TMCC3: variants seen among roughly 807,000 people sequenced by gnomAD.
TMCC3 encodes the protein transmembrane and coiled-coil domain family 3, also known as transmembrane and coiled-coil domain protein 3.
Under a neutral mutation model 40.2 loss-of-function variants are expected in TMCC3, and 28 were observed. That is an observed-to-expected ratio of 0.70 (90% CI 0.52 to 0.95). The LOEUF (loss-of-function observed/expected upper bound fraction) is 0.95, where lower values mean the gene tolerates loss of function less well. Among genes scored for constraint, TMCC3 ranks in the 40% least tolerant of loss-of-function variants. The pLI, the probability that TMCC3 is intolerant of heterozygous loss-of-function variation, is 0.00. For synonymous variants in TMCC3, 255 were observed against 248.5 expected (o/e 1.03, Z -0.25); for missense variants, 554 against 615.2 (o/e 0.90, Z 1.05).
Position 94,650,546 on chromosome 12 carries a change from G to A in TMCC3, c.-116C>T. ...GCGAGGGGGCGGCGCGGCTGCTGCA[G>A]CTGTTGCCTCTGGTGCCAACACCCG... On this transcript the variant is annotated 5_prime_UTR_variant, in exon 1 of 4. Transcript: ENST00000261226. 1.2e-6 allele frequency: 1 copy of A among 853,332 alleles called. No individual in the cohort carries two copies. Among genetic ancestry groups the A allele is most frequent in the South Asian group, 5.6e-5 (1 of 17,712 alleles). 52.9% of individuals were successfully genotyped at this position (853,332 alleles called of 1,614,324 possible). A position where few individuals can be genotyped will look rare whatever the true frequency, so the allele number is the denominator to read the frequency against.
chr12:94,632,366 T>A (rs968869453), intron 1 of TMCC3, among the ~76,000 whole-genome samples: 8 of 152,240 alleles, frequency 5.3e-5, no homozygotes, highest in Non-Finnish European at 1.2e-4. Flanking sequence ...TGTAAAATTA[T>A]TGACTAGGTA....
intron 1 of TMCC3, among the ~76,000 whole-genome samples, chr12:94,588,925 G>A (rs1022083181): frequency 7.3e-5 from 11 of 151,630 alleles, no homozygotes; most frequent in Non-Finnish European, 1.6e-4. Context: ...CTGGGTTCAA[G>A]TGATTCTCCT....
At position 94,604,803 on chromosome 12, in the gene TMCC3, CAA is replaced by C. The variant is rs11400128; in HGVS notation, c.79-22267_79-22266del. ...TAAGTGACAGAGTGAGACTTCATCT[CAA>C]AAAAAAAAAAAAAAAAAAAGAAGTA... is the stretch of plus-strand genomic sequence containing the variant. On this transcript the variant is annotated intron_variant, in intron 1 of 3. Transcript: ENST00000261226. Among the ~76,000 whole-genome samples, 252 of 53,304 alleles carry C rather than the reference CAA, an allele frequency of 4.7e-3. 2 individuals carry two copies. Among genetic ancestry groups the C allele is most frequent in the African/African-American group, 0.019 (234 of 12,300 alleles). 35.0% of individuals were successfully genotyped at this position (53,304 alleles called of 152,430 possible).
intron 1 of TMCC3, among the ~76,000 whole-genome samples, chr12:94,644,134 G>T (rs2069005437): frequency 6.6e-6 from 1 of 152,084 alleles, no homozygotes; most frequent in South Asian, 2.1e-4. Flanking sequence ...TTCCTTTCAG[G>T]CAGCACCCCT....
intron 1 of TMCC3, among the ~76,000 whole-genome samples, chr12:94,617,287 C>T (rs186772754): frequency 1.1e-4 from 17 of 152,294 alleles, no homozygotes; most frequent in Admixed American, 3.3e-4. Context: ...TTGGTGACAG[C>T]GCCTTAGGCA....
Position 94,593,437 on chromosome 12 carries a change from AAGG to A in TMCC3, c.79-10902_79-10900del, listed in dbSNP as rs2068695073. On this transcript the variant is annotated intron_variant, in intron 1 of 3. Coordinates refer to ENST00000261226, the MANE Select transcript of TMCC3 (RefSeq NM_020698.4). ...AAGAAGAAGAAGGAAGAAGAAGGAG[AAGG>A]AGAAGGAGAAGGAGAAGAAGAAGAA... Among the ~76,000 whole-genome samples the A allele has an allele frequency of 2.8e-5, 2 of 72,680 alleles. 1 individual carries two copies. The highest frequency in any genetic ancestry group is 6.0e-5 in the Non-Finnish European group (2 of 33,392). 47.7% of individuals were successfully genotyped at this position (72,680 alleles called of 152,430 possible).
At position 94,569,927 on chromosome 12, in the gene TMCC3, T is replaced by C. The variant is rs921230327; in HGVS notation, c.*1508A>G. ...GGCTCAACAGCAGTTTCCATGAACA[T>C]TGTTTCCATCTTCCTCTTTGTTATA... On this transcript the variant is annotated 3_prime_UTR_variant, in exon 4 of 4. Transcript: ENST00000261226. The C allele has an allele frequency of 2.0e-5, 3 of 152,326 alleles. No homozygotes were observed. The highest frequency in any genetic ancestry group is 1.9e-4 in the East Asian group (1 of 5,194). The allele number at this position is 152,326 out of a possible 1,614,324, so 9.4% of individuals were successfully genotyped here.
At chr12:94,608,627 G>A (rs903946259) in intron 1 of TMCC3, among the ~76,000 whole-genome samples, 11 of 152,026 alleles carry the variant, frequency 7.2e-5, no homozygotes, top group South Asian at 4.2e-4. Context: ...TCCTGAAGCC[G>A]GAAGCCAAAG....
At chr12:94,646,396 A>T (rs527836776) in intron 1 of TMCC3, among the ~76,000 whole-genome samples, 33 of 148,798 alleles carry the variant, frequency 2.2e-4, no homozygotes, top group East Asian at 7.9e-4. Context: ...ATTTAAAAAA[A>T]TTTTTTTAAA....
Position 94,622,020 on chromosome 12 carries a change from G to A in TMCC3, c.78+28333C>T, listed in dbSNP as rs1161771347. On this transcript the variant is annotated intron_variant, in intron 1 of 3. Transcript: ENST00000261226. Reference sequence around the variant, plus strand: ...AGAAAAGTAAACCCAGCCCCACACAGTTAACAACCAGGTGAAGCGGGAACA... The same window carrying A: ...AGAAAAGTAAACCCAGCCCCACACAATTAACAACCAGGTGAAGCGGGAACA... 3.3e-5 allele frequency among the ~76,000 whole-genome samples: 5 copies of A among 152,320 alleles called. No individual in the cohort carries two copies. The East Asian group carries it at 9.6e-4, about 29-fold the overall frequency.
chr12:94,633,896 T>C (rs2068946306), intron 1 of TMCC3, among the ~76,000 whole-genome samples: 1 of 152,136 alleles, frequency 6.6e-6, no homozygotes, highest in African/African-American at 2.4e-5. Context: ...TGTATTCAGA[T>C]TTGGTATTCT....
chr12:94,593,961 C>A (rs2068699174), intron 1 of TMCC3, among the ~76,000 whole-genome samples: 1 of 151,988 alleles, frequency 6.6e-6, no homozygotes, highest in Admixed American at 6.6e-5. Flanking sequence ...GAAAATAGAC[C>A]AACCTTACAT....
At chr12:94,601,941 T>C (rs1193982771) in intron 1 of TMCC3, among the ~76,000 whole-genome samples, 1 of 151,690 alleles carries the variant, frequency 6.6e-6, no homozygotes, top group Non-Finnish European at 1.5e-5. Flanking sequence ...TGAATCTGGG[T>C]AAGGTAGATG....
Position 94,646,753 on chromosome 12 carries a change from T to TA in TMCC3, c.78+3599dup, listed in dbSNP as rs1555286789. On this transcript the variant is annotated intron_variant, in intron 1 of 3. Coordinates refer to ENST00000261226, the MANE Select transcript of TMCC3 (RefSeq NM_020698.4). ...CGTGCCTGGCTTTTTTTTTTTTTTT[T>TA]AAAAAACAAATACTTTCTTATTTAA... 6.2e-3 allele frequency among the ~76,000 whole-genome samples: 659 copies of TA among 106,908 alleles called. 3 individuals are homozygous for TA. Among genetic ancestry groups the TA allele is most frequent in the African/African-American group, 0.012 (437 of 37,106 alleles). 70.1% of individuals were successfully genotyped at this position (106,908 alleles called of 152,430 possible). A position where few individuals can be genotyped will look rare whatever the true frequency, so the allele number is the denominator to read the frequency against.
intron 1 of TMCC3, among the ~76,000 whole-genome samples, chr12:94,589,675 C>A (rs909640009): frequency 2.0e-5 from 3 of 152,164 alleles, no homozygotes; most frequent in Non-Finnish European, 4.4e-5. Flanking sequence ...GAAATTCTGG[C>A]TGTCTGTCTC....
At chr12:94,602,914 G>A (rs1461709856) in intron 1 of TMCC3, among the ~76,000 whole-genome samples, 1 of 152,144 alleles carries the variant, frequency 6.6e-6, no homozygotes, top group Admixed American at 6.6e-5. Flanking sequence ...AAGAAGCAAG[G>A]TGGCTGAACT....
At chr12:94,599,564 C>CACACA (rs772616886) in intron 1 of TMCC3, among the ~76,000 whole-genome samples, 5 of 139,482 alleles carry the variant, frequency 3.6e-5, no homozygotes, top group South Asian at 2.4e-4. Flanking sequence ...ATACCCCCCC[C>CACACA]CCCGCCCACA....
intron 1 of TMCC3, among the ~76,000 whole-genome samples, chr12:94,597,140 TATATATATATATATATATGTATATAA>T (rs1354476288): frequency 1.4e-4 from 2 of 14,202 alleles, no homozygotes; most frequent in Non-Finnish European, 6.7e-4. Flanking sequence ...TATATATATA[TATATATATATATATATATGTATATAA>T]ATTAGCCAGG....
intron 1 of TMCC3, among the ~76,000 whole-genome samples, chr12:94,597,068 C>T (rs1303880319): frequency 7.4e-6 from 1 of 136,012 alleles, no homozygotes; most frequent in Non-Finnish European, 1.6e-5. Flanking sequence ...TCACTGGAGC[C>T]CAGGAGTTTG....
Sources: allele counts gnomAD v4.1 joint callset (sites outside exome capture counted in the v4.1 genomes callset), GRCh38; gene constraint gnomAD v4.1.1; transcripts MANE v1.5; gene names NCBI Gene and HGNC (gene_info 2026-07-23, HGNC 2026-07-21).